The following ACSL3 variants were observed in gnomAD, a reference collection of about 807,000 sequenced individuals.
ACSL3 encodes fatty acid CoA ligase Acsl3.
Under a neutral mutation model 84.7 loss-of-function variants are expected in ACSL3, and 34 were observed. That is an observed-to-expected ratio of 0.40 (90% CI 0.31 to 0.53). The LOEUF is 0.53. Ranked by LOEUF, ACSL3 falls within the 20% of genes least tolerant of loss-of-function variation. The pLI is 0.48. For synonymous variants in ACSL3, 315 were observed against 299.4 expected, an observed-to-expected ratio of 1.05 and a Z score of -0.54; for missense variants, 680 against 873.1, an observed-to-expected ratio of 0.78 and a Z score of 2.79.
chr2:222,898,976 A>G (rs1030942695), intron 2 of ACSL3, among the ~76,000 whole-genome samples: 3 of 152,358 alleles, frequency 2.0e-5, no homozygotes, highest in Admixed American at 2.0e-4. Context: ...TGTGAATGAG[A>G]AATTATTAAT....
chr2:222,929,052 T>G, intron 13 of ACSL3, 116 bp downstream of exon 13: 1 of 736,652 alleles, frequency 1.4e-6, no homozygotes, highest in Non-Finnish European at 2.3e-6. Flanking sequence ...TTTTGTCCTT[T>G]GTGATAGACG....
intron 11 of ACSL3, among the ~76,000 whole-genome samples, chr2:222,924,898 C>A (rs1293148534): frequency 6.6e-6 from 1 of 151,846 alleles, no homozygotes; most frequent in South Asian, 2.1e-4. Context: ...TGGTGGCGGG[C>A]GCCTGTAATC....
chr2:222,933,834 A>T (rs188326314), intron 15 of ACSL3: 1 of 152,386 alleles, frequency 6.6e-6, no homozygotes, highest in East Asian at 1.9e-4. Context: ...AAAATCTGTT[A>T]TCAGGAAAAC....
At chr2:222,863,626 G>C (rs1695066723) in intron 1 of ACSL3, among the ~76,000 whole-genome samples, 1 of 152,062 alleles carries the variant, frequency 6.6e-6, no homozygotes, top group African/African-American at 2.4e-5. Flanking sequence ...AGGAAAGCTA[G>C]GCCAAGGGTG....
chr2:222,934,458 C>A, intron 15 of ACSL3, 72 bp from the exon 16 acceptor site: 1 of 1,246,720 alleles, frequency 8.0e-7, no homozygotes, highest in Admixed American at 3.7e-5. Context: ...TACTACTTGT[C>A]ACTGTAATAA....
chr2:222,896,460 T>C (rs1695981397), intron 2 of ACSL3, among the ~76,000 whole-genome samples: 1 of 19,010 alleles, frequency 5.3e-5, no homozygotes, highest in Non-Finnish European at 1.1e-4. Flanking sequence ...ACGGGGCGGC[T>C]GGCCGGGCGG....
In ACSL3 at chr2:222,937,305, A is replaced by G. The variant is rs552342945; in HGVS notation, c.2005+2618A>G. On this transcript the variant is annotated intron_variant, in intron 16 of 16. Transcript: ENST00000357430. ...ATCCTGCAACTTTGCTGGAATCTTT[A>G]TTAGTTATGAAGGTTGTGTGTGTGT... Among the ~76,000 whole-genome samples, 10 of 152,168 alleles carry G rather than the reference A, an allele frequency of 6.6e-5. No individual in the cohort carries two copies. In the South Asian group the frequency reaches 2.1e-3, roughly 32 times the overall value.
chr2:222,894,750 C>T (rs1474937948), intron 2 of ACSL3, among the ~76,000 whole-genome samples: 2 of 152,196 alleles, frequency 1.3e-5, no homozygotes, highest in Admixed American at 1.3e-4. Context: ...ACATTCTTCT[C>T]AGTTGGCAAG....
intron 16 of ACSL3, among the ~76,000 whole-genome samples, chr2:222,937,562 CCTT>C (rs551246845): frequency 1.2e-4 from 18 of 152,170 alleles, no homozygotes; most frequent in African/African-American, 4.3e-4. Flanking sequence ...TAATTAATGT[CCTT>C]CTTTGTCTAT....
chr2:222,883,267 C>G (rs1436930755), intron 1 of ACSL3, among the ~76,000 whole-genome samples: 1 of 151,432 alleles, frequency 6.6e-6, no homozygotes, highest in Non-Finnish European at 1.5e-5. Flanking sequence ...TGCAACCTCC[C>G]CCTCCCGGGT....
intron 13 of ACSL3, among the ~76,000 whole-genome samples, chr2:222,929,480 T>C (rs185366459): frequency 0.011 from 1,620 of 152,142 alleles, 15 homozygotes; most frequent in African/African-American, 0.024. Context: ...TCCTCTACAT[T>C]AAGTAAAGAT....
chr2:222,892,235 A>G (rs1190430692), intron 2 of ACSL3, among the ~76,000 whole-genome samples: 1 of 152,240 alleles, frequency 6.6e-6, no homozygotes, highest in Non-Finnish European at 1.5e-5. Context: ...GATATTTGTA[A>G]GAATTTAAAA....
At position 222,923,900 on chromosome 2, in the gene ACSL3, A is replaced by G. The variant is rs565746812; in HGVS notation, c.1153-556A>G. Among the ~76,000 whole-genome samples the G allele has an allele frequency of 6.6e-5, 10 of 152,336 alleles. No homozygotes were observed. In the South Asian group the frequency reaches 2.1e-3, roughly 32 times the overall value. On this transcript the variant is annotated intron_variant, in intron 10 of 16. Coordinates refer to ENST00000357430, the MANE Select transcript of ACSL3 (RefSeq NM_004457.5). ...GGAGGAAACATTATTTTAAGTCATT[A>G]AAGTATACTTCACAGTAATGGACCT...
rs1191245073 is a variant in ACSL3 at position 222,897,677 on chromosome 2, C to T, written c.-147-2997C>T. Reference sequence around the variant, plus strand: ...GACTCCGTCTGCCATCCCGGCACCTCGGGAGGCCGAGGCTGGCGGATCACT... The same window carrying T: ...GACTCCGTCTGCCATCCCGGCACCTTGGGAGGCCGAGGCTGGCGGATCACT... On this transcript the variant is annotated intron_variant, in intron 2 of 16. Coordinates refer to ENST00000357430, the MANE Select transcript of ACSL3 (RefSeq NM_004457.5). Among the ~76,000 whole-genome samples the T allele has an allele frequency of 1.3e-3, 51 of 40,020 alleles. 23 individuals are homozygous for T. The highest frequency in any genetic ancestry group is 0.02 in the Middle Eastern group (2 of 100). The allele number at this position is 40,020 out of a possible 152,430, so 26.3% of individuals were successfully genotyped here.
At chr2:222,905,262 G>A (rs777054789) in intron 3 of ACSL3, among the ~76,000 whole-genome samples, 1 of 152,138 alleles carries the variant, frequency 6.6e-6, no homozygotes, top group Non-Finnish European at 1.5e-5. Context: ...CTAGGCTGAG[G>A]TGATCCTCCC....
intron 5 of ACSL3, chr2:222,916,721 G>A: frequency 2.8e-6 from 1 of 356,138 alleles, no homozygotes; most frequent in Non-Finnish European, 4.9e-6. Context: ...CTTCATGGGA[G>A]ACTTTCAGGT....
chr2:222,878,287 T>C (rs891171802), intron 1 of ACSL3, among the ~76,000 whole-genome samples: 1 of 152,222 alleles, frequency 6.6e-6, no homozygotes, highest in Non-Finnish European at 1.5e-5. Flanking sequence ...TCCTGAAGAA[T>C]AGCTTTTCTG....
At chr2:222,875,589 A>G (rs1274204953) in intron 1 of ACSL3, among the ~76,000 whole-genome samples, 2 of 152,208 alleles carry the variant, frequency 1.3e-5, no homozygotes, top group African/African-American at 2.4e-5. Context: ...TCATATGGCA[A>G]TTTTAGAAAG....
intron 1 of ACSL3, among the ~76,000 whole-genome samples, chr2:222,864,590 C>T (rs758584477): frequency 1.1e-4 from 16 of 152,024 alleles, no homozygotes; most frequent in Non-Finnish European, 2.1e-4. Context: ...TCACTGGTGA[C>T]CTTTGAAAGA....
Sources: gnomAD v4.1 joint callset for allele counts (sites outside exome capture counted in the v4.1 genomes callset) on GRCh38, gnomAD v4.1.1 for gene constraint, MANE v1.5 for transcripts, NCBI Gene and HGNC (gene_info 2026-07-23, HGNC 2026-07-21) for gene names.